The following FIS1 variants were observed in gnomAD, a reference collection of about 807,000 sequenced individuals.
The protein encoded by FIS1 is fission, mitochondrial 1.
Under a neutral mutation model 21.6 loss-of-function variants are expected in FIS1, and 16 were observed. The observed-to-expected ratio is 0.74, with a 90% confidence interval of 0.50 to 1.12. The LOEUF (loss-of-function observed/expected upper bound fraction) is 1.12, where lower values mean the gene tolerates loss of function less well. Ranked by LOEUF, FIS1 falls within the 50% of genes most tolerant of loss-of-function variation. The pLI, the probability that FIS1 is intolerant of heterozygous loss-of-function variation, is 0.00. For missense variants in FIS1, 198 were observed against 190.9 expected, an observed-to-expected ratio of 1.04 and a Z score of -0.22; for synonymous variants, 92 against 82.2, an observed-to-expected ratio of 1.12 and a Z score of -0.65.
Position 101,239,816 on chromosome 7 carries a change from G to T in FIS1, c.449C>A (p.Ser150Tyr), listed in dbSNP as rs551284102. The T allele has an allele frequency of 1.3e-6, 2 of 1,595,732 alleles. No homozygotes were observed. Among genetic ancestry groups the T allele is most frequent in the Non-Finnish European group, 1.7e-6 (2 of 1,170,992 alleles). Residue 150 changes from serine to tyrosine, a missense_variant, in exon 5 of 5, where the codon TCC (serine) becomes TAC (tyrosine). Physicochemically the swap from Ser to Tyr is moderately radical, Grantham distance 144. Coordinates refer to ENST00000223136, the MANE Select transcript of FIS1 (RefSeq NM_016068.3). ...GCTCCCGCGTCTCCTTCAGGATTTG[G>T]ACTTGGACACAGCAAGTCCGATGAG... ...AGLIGLAVSK[S>Y]KS
intron 4 of FIS1, 86 bp downstream of exon 4, chr7:101,240,056 C>A: frequency 6.7e-7 from 1 of 1,488,682 alleles, no homozygotes; most frequent in Non-Finnish European, 9.3e-7. Context: ...GGCTGAGGGG[C>A]TGCCTGGAGG....
chr7:101,240,072 A>C, intron 4 of FIS1, 70 bp downstream of exon 4: 1 of 1,555,250 alleles, frequency 6.4e-7, no homozygotes, highest in Non-Finnish European at 8.9e-7. Context: ...GGAGGGGTTC[A>C]TTTACAGAGA....
At chr7:101,240,338 G>T in intron 3 of FIS1, 91 bp from the exon 4 acceptor site, 2 of 1,325,858 alleles carry the variant, frequency 1.5e-6, no homozygotes, top group Non-Finnish European at 2.2e-6. Flanking sequence ...TTGCTCTGTT[G>T]CCCACGCTGG....
Position 101,239,686 on chromosome 7 carries a change from G to T in FIS1, c.*120C>A. 1.2e-6 allele frequency: 1 copy of T among 820,742 alleles called. No homozygotes were observed. The highest frequency in any genetic ancestry group is 1.7e-5 in the African/African-American group (1 of 59,332). The allele number at this position is 820,742 out of a possible 1,614,324, so 50.8% of individuals were successfully genotyped here. A position where few individuals can be genotyped will look rare whatever the true frequency, so the allele number is the denominator to read the frequency against. On this transcript the variant is annotated 3_prime_UTR_variant, in exon 5 of 5. Coordinates refer to ENST00000223136, the MANE Select transcript of FIS1 (RefSeq NM_016068.3). ...TGGGGCTGAAGGACGAATCTCAGGG[G>T]AGCAGAAATTAGCTGAAGGCCACAG...
chr7:101,244,739 T>C (rs1798791525), intron 1 of FIS1: 2 of 586,988 alleles, frequency 3.4e-6, no homozygotes, highest in Non-Finnish European at 6.0e-6. Flanking sequence ...TCCAGGCCCG[T>C]AGTCTGAGGT....
intron 3 of FIS1, among the ~76,000 whole-genome samples, 176 bp from the exon 4 acceptor site, chr7:101,240,423 T>G (rs1476069783): frequency 6.6e-6 from 1 of 152,142 alleles, no homozygotes; most frequent in Non-Finnish European, 1.5e-5. Context: ...CTCAGCCTCC[T>G]GAGTAGCCGG....
rs756116741 is a variant in FIS1 at position 101,240,821 on chromosome 7, C to T, written c.255+9G>A. ...GAGGAGGGTGAAGGGAACGGGGTCC[C>T]CACCTCACCTTGAGCCGGTAGTTCC... On this transcript the variant is annotated intron_variant, in intron 3 of 4. Transcript: ENST00000223136. 28 of 1,613,316 alleles carry T rather than the reference C, an allele frequency of 1.7e-5. No homozygotes were observed. The highest frequency in any genetic ancestry group is 2.7e-5 in the African/African-American group (2 of 74,898).
chr7:101,244,253 C>T (rs2116852047), intron 1 of FIS1, 114 bp from the exon 2 acceptor site: 2 of 1,353,496 alleles, frequency 1.5e-6, no homozygotes, highest in South Asian at 2.9e-5. Flanking sequence ...CGGTATCTGG[C>T]ACCCCAGCTT....
Position 101,239,846 on chromosome 7 carries a change from G to C in FIS1, c.419C>G (p.Ala140Gly), listed in dbSNP as rs1419448319. The part of the protein sequence containing the change: ...GGMALGVAGL[A>G]GLIGLAVSKS... ...GGACACAGCAAGTCCGATGAGTCCG[G>C]CCAGTCCCGCCACACCCAGGGCCAT... The change falls in exon 5 of 5, where the codon GCC becomes GGC. Residue 140 changes from alanine (A) to glycine (G), a missense_variant. Coordinates refer to ENST00000223136, the MANE Select transcript of FIS1 (RefSeq NM_016068.3). 4.4e-6 allele frequency: 7 copies of C among 1,594,356 alleles called. No individual in the cohort carries two copies. Among genetic ancestry groups the C allele is most frequent in the Non-Finnish European group, 6.0e-6 (7 of 1,170,240 alleles).
chr7:101,239,759 A>T lies in FIS1; in HGVS notation c.*47T>A. On this transcript the variant is annotated 3_prime_UTR_variant, in exon 5 of 5. Transcript: ENST00000223136. ...GGAGAACAGGGAAAGGACAGCGAGG[A>T]TGGACAGGCCCTCCTGGAGCGTTCT... 7.0e-7 allele frequency: 1 copy of T among 1,427,650 alleles called. No individual in the cohort carries two copies. Among genetic ancestry groups the T allele is most frequent in the Non-Finnish European group, 9.6e-7 (1 of 1,037,320 alleles). 88.4% of individuals were successfully genotyped at this position (1,427,650 alleles called of 1,614,324 possible).
At position 101,239,797 on chromosome 7, in the gene FIS1, G is replaced by GCGT; in HGVS notation, c.*6_*8dup. 1 of 1,587,048 alleles carries GCGT rather than the reference G, an allele frequency of 6.3e-7. No individual in the cohort carries two copies. Among genetic ancestry groups the GCGT allele is most frequent in the Non-Finnish European group, 8.6e-7 (1 of 1,166,202 alleles). On this transcript the variant is annotated 3_prime_UTR_variant, in exon 5 of 5. Coordinates refer to ENST00000223136, the MANE Select transcript of FIS1 (RefSeq NM_016068.3). Reference sequence around the variant, plus strand: ...CCTGGAGCGTTCTCCGTGGGCTCCCGCGTCTCCTTCAGGATTTGGACTTGG... The same window carrying GCGT: ...CCTGGAGCGTTCTCCGTGGGCTCCCGCGTCGTCTCCTTCAGGATTTGGACTTGG...
Position 101,240,351 on chromosome 7 carries a change from G to A in FIS1, c.256-104C>T, listed in dbSNP as rs58061448. Reference sequence around the variant, plus strand: ...TCTTGCTCTGTTGCCCACGCTGGACGGCAGCGTCGCAATCACAGCCCACTG... The same window carrying A: ...TCTTGCTCTGTTGCCCACGCTGGACAGCAGCGTCGCAATCACAGCCCACTG... On this transcript the variant is annotated intron_variant, in intron 3 of 4. Coordinates refer to ENST00000223136, the MANE Select transcript of FIS1 (RefSeq NM_016068.3). The A allele has an allele frequency of 4.9e-3, 5,577 of 1,148,842 alleles. 202 individuals carry two copies. In the African/African-American group the frequency reaches 0.076, roughly 16 times the overall value. The allele number at this position is 1,148,842 out of a possible 1,614,324, so 71.2% of individuals were successfully genotyped here. A position where few individuals can be genotyped will look rare whatever the true frequency, so the allele number is the denominator to read the frequency against.
At chr7:101,242,911 C>T (rs1333499364) in intron 2 of FIS1, among the ~76,000 whole-genome samples, 1 of 151,562 alleles carries the variant, frequency 6.6e-6, no homozygotes, top group African/African-American at 2.4e-5. Context: ...CTGTATTGAA[C>T]ATGAACAGAC....
chr7:101,242,573 C>T (rs1399127165), intron 2 of FIS1, among the ~76,000 whole-genome samples: 2 of 149,588 alleles, frequency 1.3e-5, no homozygotes, highest in Non-Finnish European at 3.0e-5. Flanking sequence ...ACTGCAACCT[C>T]TGTCTCCCGA....
In FIS1 at chr7:101,245,035, G is replaced by A. The variant is rs764550926; in HGVS notation, c.-31C>T. The A allele has an allele frequency of 1.9e-6, 3 of 1,613,308 alleles. No homozygotes were observed. Among genetic ancestry groups the A allele is most frequent in the Non-Finnish European group, 2.5e-6 (3 of 1,179,604 alleles). On this transcript the variant is annotated 5_prime_UTR_variant, in exon 1 of 5. Coordinates refer to ENST00000223136, the MANE Select transcript of FIS1 (RefSeq NM_016068.3). ...CTGCCCCCGCGAGCCTCACACTACA[G>A]TCTACTGTGCCACAGTCTCCATGGC...
Position 101,239,658 on chromosome 7 carries a change from T to A in FIS1, c.*148A>T. The A allele has an allele frequency of 2.8e-6, 2 of 716,994 alleles. No homozygotes were observed. The highest frequency in any genetic ancestry group is 5.0e-6 in the Non-Finnish European group (2 of 400,610). 44.4% of individuals were successfully genotyped at this position (716,994 alleles called of 1,614,324 possible). ...TTATTTACACTCATCCCAAAGCACA[T>A]GATGGGGCTGAAGGACGAATCTCAG... On this transcript the variant is annotated 3_prime_UTR_variant, in exon 5 of 5. Coordinates refer to ENST00000223136, the MANE Select transcript of FIS1 (RefSeq NM_016068.3).
At chr7:101,241,378 G>A (rs999662434) in intron 2 of FIS1, among the ~76,000 whole-genome samples, 10 of 151,940 alleles carry the variant, frequency 6.6e-5, no homozygotes, top group Non-Finnish European at 8.8e-5. Flanking sequence ...CCGCCACCAC[G>A]CCTGGCTAAT....
chr7:101,243,857 G>A, intron 2 of FIS1, 150 bp downstream of exon 2: 1 of 998,450 alleles, frequency 1.0e-6, no homozygotes, highest in Non-Finnish European at 1.4e-6. Flanking sequence ...TGGGCGGTAA[G>A]TAGCCAAAAG....
At chr7:101,240,692 C>A in intron 3 of FIS1, 138 bp downstream of exon 3, 1 of 792,196 alleles carries the variant, frequency 1.3e-6, no homozygotes, top group South Asian at 1.6e-5. Context: ...GATCTTCCCT[C>A]GGAGTCCTCA....
Sources: allele counts gnomAD v4.1 joint callset (sites outside exome capture counted in the v4.1 genomes callset), GRCh38; gene constraint gnomAD v4.1.1; transcripts MANE v1.5; gene names NCBI Gene and HGNC (gene_info 2026-07-23, HGNC 2026-07-21).